NCAM2: variants seen among roughly 807,000 people sequenced by gnomAD.
NCAM2 encodes the protein neural cell adhesion molecule 2, also known as N-CAM-2.
A neutral mutation model predicts 98.1 loss-of-function variants in NCAM2; 30 were observed. That is an observed-to-expected ratio of 0.31 (90% CI 0.23 to 0.41). The LOEUF (loss-of-function observed/expected upper bound fraction) is 0.41, where lower values mean the gene tolerates loss of function less well. Ranked by LOEUF, NCAM2 falls within the 10% of genes least tolerant of loss-of-function variation. NCAM2 has a pLI of 1.00. For missense variants in NCAM2, 867 were observed against 1,005.8 expected (o/e 0.86, Z 1.87); for synonymous variants, 368 against 342.4 (o/e 1.07, Z -0.83).
intron 1 of NCAM2, among the ~76,000 whole-genome samples, chr21:21,069,811 G>A (rs1371863651): frequency 6.6e-6 from 1 of 152,132 alleles, no homozygotes; most frequent in African/African-American, 2.4e-5. Context: ...TGTCTACCTG[G>A]AAACCTTTCC....
chr21:21,377,938 G>T (rs2076069283), intron 9 of NCAM2, among the ~76,000 whole-genome samples: 1 of 151,928 alleles, frequency 6.6e-6, no homozygotes, highest in South Asian at 2.1e-4. Context: ...TGAGGTAGTT[G>T]TCTTTTTGTG....
intron 7 of NCAM2, among the ~76,000 whole-genome samples, 173 bp downstream of exon 7, chr21:21,335,838 A>C (rs2074851801): frequency 6.6e-6 from 1 of 152,200 alleles, no homozygotes; most frequent in Non-Finnish European, 1.5e-5. Flanking sequence ...AGAATAACGT[A>C]AAATTACATA....
At chr21:21,017,363 T>C (rs1454299747) in intron 1 of NCAM2, among the ~76,000 whole-genome samples, 1 of 130,442 alleles carries the variant, frequency 7.7e-6, no homozygotes, top group Admixed American at 9.8e-5. Context: ...GAGGTGGAGG[T>C]TGCATTGAAC....
At chr21:21,298,441 T>C (rs1401512056) in intron 5 of NCAM2, among the ~76,000 whole-genome samples, 2 of 151,754 alleles carry the variant, frequency 1.3e-5, no homozygotes, top group Admixed American at 1.3e-4. Flanking sequence ...GTTTTATTAA[T>C]TGTGTATCCC....
chr21:21,064,586 G>A (rs530583008), intron 1 of NCAM2, among the ~76,000 whole-genome samples: 1 of 152,258 alleles, frequency 6.6e-6, no homozygotes, highest in Non-Finnish European at 1.5e-5. Flanking sequence ...GGGAAGAAGT[G>A]TTCTCTTGCC....
At chr21:21,434,426 GA>G (rs1425107915) in intron 12 of NCAM2, among the ~76,000 whole-genome samples, 1 of 152,144 alleles carries the variant, frequency 6.6e-6, no homozygotes, top group Non-Finnish European at 1.5e-5. Context: ...TTGATTTGAG[GA>G]AAATGACAGC....
intron 1 of NCAM2, among the ~76,000 whole-genome samples, chr21:21,112,054 A>G (rs1040910240): frequency 6.6e-6 from 1 of 152,210 alleles, no homozygotes; most frequent in African/African-American, 2.4e-5. Flanking sequence ...AAATGACTGT[A>G]GACATTCTCT....
chr21:21,290,219 C>A (rs1378050245), intron 4 of NCAM2: 1 of 151,752 alleles, frequency 6.6e-6, no homozygotes, highest in Admixed American at 6.6e-5. Flanking sequence ...CAGTAAAAAT[C>A]ATTATAGGTG....
intron 4 of NCAM2, among the ~76,000 whole-genome samples, chr21:21,289,821 A>C (rs1243009979): frequency 6.6e-6 from 1 of 151,974 alleles, no homozygotes; most frequent in African/African-American, 2.4e-5. Context: ...GACATAAGCT[A>C]ATATACAGTT....
At chr21:21,220,995 C>T (rs986722423) in intron 1 of NCAM2, among the ~76,000 whole-genome samples, 2 of 152,090 alleles carry the variant, frequency 1.3e-5, no homozygotes, top group African/African-American at 4.8e-5. Flanking sequence ...AGCGTGTACT[C>T]ACCTCATGTC....
At chr21:21,023,170 A>G (rs373798027) in intron 1 of NCAM2, among the ~76,000 whole-genome samples, 2 of 152,204 alleles carry the variant, frequency 1.3e-5, no homozygotes, top group South Asian at 4.1e-4. Flanking sequence ...TGAGAAAGGA[A>G]TAAGATGGGA....
chr21:21,416,385 A>G (rs967333719), intron 10 of NCAM2, among the ~76,000 whole-genome samples: 9 of 152,182 alleles, frequency 5.9e-5, no homozygotes, highest in African/African-American at 2.2e-4. Flanking sequence ...AGTTTAAAAT[A>G]TTGAGAGAAT....
chr21:21,253,619 A>G (rs1048217291), intron 1 of NCAM2, among the ~76,000 whole-genome samples: 2 of 152,202 alleles, frequency 1.3e-5, no homozygotes, highest in South Asian at 4.1e-4. Flanking sequence ...TCAAAATAGT[A>G]AGAAATAAAT....
intron 1 of NCAM2, among the ~76,000 whole-genome samples, chr21:21,040,092 A>G (rs1017103739): frequency 3.3e-5 from 5 of 152,192 alleles, no homozygotes; most frequent in East Asian, 3.9e-4. Flanking sequence ...TCATACCACA[A>G]CGTTATTTAC....
chr21:21,189,253 T>C lies in NCAM2; in HGVS notation c.56-91325T>C, dbSNP rs78283136. Among the ~76,000 whole-genome samples, 1,226 of 152,302 alleles carry C rather than the reference T, an allele frequency of 8.0e-3. 15 individuals are homozygous for C. The highest frequency in any genetic ancestry group is 0.028 in the African/African-American group (1,177 of 41,584). On this transcript the variant is annotated intron_variant, in intron 1 of 17. Transcript: ENST00000400546. Reference sequence around the variant, plus strand: ...TTTGTTCAGTTGGTCTCTATTTTAATAGCAAATACGTTGAAAGTGAAGTTT... The same window carrying C: ...TTTGTTCAGTTGGTCTCTATTTTAACAGCAAATACGTTGAAAGTGAAGTTT...
intron 15 of NCAM2, among the ~76,000 whole-genome samples, chr21:21,488,829 A>G (rs1986609389): frequency 6.6e-6 from 1 of 151,988 alleles, no homozygotes; most frequent in Non-Finnish European, 1.5e-5. Context: ...GATTTCACTC[A>G]CTGAATAAAG....
chr21:20,998,473 T>G lies in NCAM2; in HGVS notation c.-91T>G. 1 of 1,343,442 alleles carries G rather than the reference T, an allele frequency of 7.4e-7. No homozygotes were observed. The highest frequency in any genetic ancestry group is 1.0e-6 in the Non-Finnish European group (1 of 971,874). 83.2% of individuals were successfully genotyped at this position (1,343,442 alleles called of 1,614,324 possible). The stretch of plus-strand genomic sequence containing the variant: ...GCACCGCGGGAGCGGCGGCGGCGGC[T>G]CTAGCAGAGGCGGCCGGGGCAGCGA... On this transcript the variant is annotated 5_prime_UTR_variant, in exon 1 of 18. Coordinates refer to ENST00000400546, the MANE Select transcript of NCAM2 (RefSeq NM_004540.5).
chr21:21,049,598 G>A (rs558767925), intron 1 of NCAM2, among the ~76,000 whole-genome samples: 2 of 151,810 alleles, frequency 1.3e-5, no homozygotes, highest in East Asian at 1.9e-4. Flanking sequence ...TTAGCCAGGC[G>A]TGGGGGCTCA....
intron 14 of NCAM2, among the ~76,000 whole-genome samples, chr21:21,472,021 C>A (rs1984504620): frequency 6.6e-6 from 1 of 151,926 alleles, no homozygotes; most frequent in South Asian, 2.1e-4. Flanking sequence ...TGGAAAAAAT[C>A]ATGAAGTTAT....
Sources: gnomAD v4.1 joint callset for allele counts (sites outside exome capture counted in the v4.1 genomes callset) on GRCh38, gnomAD v4.1.1 for gene constraint, MANE v1.5 for transcripts, NCBI Gene and HGNC (gene_info 2026-07-23, HGNC 2026-07-21) for gene names.